Variants in NDFIP2 observed in about 807,000 individuals in gnomAD.
NDFIP2 encodes NEDD4 family-interacting protein 2.
NDFIP2 carries 19 observed loss-of-function variants against 36.0 expected under a neutral mutation model. The observed-to-expected ratio is 0.53, with a 90% CI of 0.37 to 0.77. The LOEUF (loss-of-function observed/expected upper bound fraction) is 0.77, where lower values mean the gene tolerates loss of function less well. Among genes scored for constraint, NDFIP2 ranks in the 30% least tolerant of loss-of-function variants. The pLI, the probability that NDFIP2 is intolerant of heterozygous loss-of-function variation, is 0.00. For synonymous variants in NDFIP2, 181 were observed against 167.7 expected (o/e 1.08, Z -0.61); for missense variants, 446 against 435.8 (o/e 1.02, Z -0.21).
At chr13:79,546,178 G>T (rs1173496990) in intron 5 of NDFIP2, among the ~76,000 whole-genome samples, 1 of 151,966 alleles carries the variant, frequency 6.6e-6, no homozygotes, top group South Asian at 2.1e-4. Context: ...AGTGCTGAGA[G>T]AAAAGTTTTC....
At chr13:79,549,279 G>A (rs1353282601) in intron 6 of NDFIP2, among the ~76,000 whole-genome samples, 3 of 151,920 alleles carry the variant, frequency 2.0e-5, no homozygotes, top group Non-Finnish European at 4.4e-5. Flanking sequence ...GCATCTGGAG[G>A]TGAAGCCAGT....
At chr13:79,524,428 A>T in intron 2 of NDFIP2, among the ~76,000 whole-genome samples, 1 of 152,216 alleles carries the variant, frequency 6.6e-6, no homozygotes, top group East Asian at 1.9e-4. Context: ...CCAGCACTGT[A>T]TTATGTCATG....
chr13:79,545,705 T>C (rs1875643504), intron 5 of NDFIP2, among the ~76,000 whole-genome samples: 1 of 152,160 alleles, frequency 6.6e-6, no homozygotes, highest in South Asian at 2.1e-4. Flanking sequence ...AAACTAAGAA[T>C]AAAAAGAGTC....
intron 1 of NDFIP2, among the ~76,000 whole-genome samples, chr13:79,488,164 C>T (rs973653924): frequency 2.0e-5 from 3 of 151,996 alleles, no homozygotes; most frequent in African/African-American, 4.8e-5. Flanking sequence ...AGGAAATGTA[C>T]ACTCAAATAT....
intron 1 of NDFIP2, among the ~76,000 whole-genome samples, chr13:79,504,123 A>G (rs1873771100): frequency 6.6e-6 from 1 of 152,208 alleles, no homozygotes; most frequent in Non-Finnish European, 1.5e-5. Context: ...GAAAATTTTT[A>G]GATACTGAAT....
chr13:79,492,252 CTTT>C (rs780442571), intron 1 of NDFIP2, among the ~76,000 whole-genome samples: 1 of 133,986 alleles, frequency 7.5e-6, no homozygotes. Flanking sequence ...GTAGTGACAC[CTTT>C]TTTTTTTTTT....
At chr13:79,550,345 G>GTAGA (rs1875855738) in intron 6 of NDFIP2, among the ~76,000 whole-genome samples, 1 of 151,566 alleles carries the variant, frequency 6.6e-6, no homozygotes, top group Non-Finnish European at 1.5e-5. Context: ...GAAAACTGAG[G>GTAGA]TAGATATAAG....
chr13:79,513,259 A>G (rs1403721706), intron 1 of NDFIP2, among the ~76,000 whole-genome samples: 1 of 152,142 alleles, frequency 6.6e-6, no homozygotes, highest in Non-Finnish European at 1.5e-5. Flanking sequence ...AGAGTTATGG[A>G]AAGGATTTTA....
chr13:79,498,405 T>C (rs970661039), intron 1 of NDFIP2, among the ~76,000 whole-genome samples: 3 of 151,974 alleles, frequency 2.0e-5, no homozygotes, highest in South Asian at 4.1e-4. Flanking sequence ...TAAAGAAATA[T>C]GAACTTTTCA....
At chr13:79,490,869 T>C (rs1873199045) in intron 1 of NDFIP2, among the ~76,000 whole-genome samples, 2 of 152,306 alleles carry the variant, frequency 1.3e-5, no homozygotes, top group Admixed American at 1.3e-4. Flanking sequence ...AGAATTGGGA[T>C]GGATATGAGT....
intron 2 of NDFIP2, among the ~76,000 whole-genome samples, chr13:79,523,315 G>A (rs1874659074): frequency 6.6e-6 from 1 of 152,096 alleles, no homozygotes; most frequent in South Asian, 2.1e-4. Context: ...TCACCTCCTG[G>A]GTTCAAGCGA....
At chr13:79,549,930 C>G (rs993437219) in intron 6 of NDFIP2, among the ~76,000 whole-genome samples, 6 of 151,790 alleles carry the variant, frequency 4.0e-5, no homozygotes, top group African/African-American at 1.4e-4. Flanking sequence ...TTGTATCTCT[C>G]TTCTGTCTTT....
At chr13:79,519,067 A>T (rs1336693110) in intron 1 of NDFIP2, 1 of 152,230 alleles carries the variant, frequency 6.6e-6, no homozygotes, top group Non-Finnish European at 1.5e-5. Flanking sequence ...TCAGCCTCCC[A>T]AAGTGCTGGG....
rs190922794 is a variant in NDFIP2, at chr13:79,522,540, C to T, written c.487+1565C>T. 8.9e-4 allele frequency among the ~76,000 whole-genome samples: 135 copies of T among 152,242 alleles called. 1 individual carries two copies. Among genetic ancestry groups the T allele is most frequent in the Admixed American group, 1.6e-3 (24 of 15,292 alleles). On this transcript the variant is annotated intron_variant, in intron 2 of 7. Transcript: ENST00000218652. ...TTTATTACTGTTAATTCTTACTGTT[C>T]TGGGAGTGGACTGGACTGAACTATG...
intron 1 of NDFIP2, among the ~76,000 whole-genome samples, chr13:79,497,031 T>C (rs1048971821): frequency 1.3e-5 from 2 of 152,078 alleles, no homozygotes; most frequent in African/African-American, 2.4e-5. Context: ...CATCTACTGA[T>C]TGCCTTTCCC....
At chr13:79,489,780 G>T (rs74865579) in intron 1 of NDFIP2, among the ~76,000 whole-genome samples, 6,192 of 152,252 alleles carry the variant, frequency 0.041, 402 homozygotes, top group African/African-American at 0.14. Context: ...TAAGGGGATG[G>T]CCTAGAGTGG....
At chr13:79,543,831 C>T in intron 5 of NDFIP2, 149 bp downstream of exon 5, 8 of 974,390 alleles carry the variant, frequency 8.2e-6, no homozygotes, top group Non-Finnish European at 1.2e-5. Flanking sequence ...TTATAGTGAG[C>T]TCTGTGGTAT....
chr13:79,546,873 C>A (rs1380577371), intron 5 of NDFIP2, among the ~76,000 whole-genome samples: 1 of 151,960 alleles, frequency 6.6e-6, no homozygotes, highest in African/African-American at 2.4e-5. Context: ...TGTTGTATTT[C>A]TAACTGTTAA....
At chr13:79,488,409 A>G (rs1873101691) in intron 1 of NDFIP2, among the ~76,000 whole-genome samples, 1 of 152,188 alleles carries the variant, frequency 6.6e-6, no homozygotes, top group South Asian at 2.1e-4. Flanking sequence ...TATACAAATG[A>G]GTACACACCT....
Sources: allele counts gnomAD v4.1 joint callset (sites outside exome capture counted in the v4.1 genomes callset), GRCh38; gene constraint gnomAD v4.1.1; transcripts MANE v1.5; gene names NCBI Gene and HGNC (gene_info 2026-07-23, HGNC 2026-07-21).